The following KIDINS220 variants were observed in gnomAD, a reference collection of about 807,000 sequenced individuals.
KIDINS220 encodes the protein kinase D interacting substrate 220.
In KIDINS220, 63 loss-of-function variants were observed where a neutral mutation model predicts 157.6. That is an observed-to-expected ratio of 0.40 (90% CI 0.33 to 0.49). The LOEUF is 0.49. Among genes scored for constraint, KIDINS220 ranks in the 20% least tolerant of loss-of-function variants. The pLI is 0.66. For synonymous variants in KIDINS220, 732 were observed against 783.6 expected (o/e 0.93, Z 1.10); for missense variants, 1,772 against 2,171.2 (o/e 0.82, Z 3.65).
intron 26 of KIDINS220, among the ~76,000 whole-genome samples, chr2:8,739,595 T>C (rs966194288): frequency 1.3e-5 from 2 of 152,088 alleles, no homozygotes; most frequent in African/African-American, 4.8e-5. Context: ...GCAAAAAGCA[T>C]ATTCAATAAT....
intron 21 of KIDINS220, among the ~76,000 whole-genome samples, chr2:8,771,108 C>T (rs1368688760): frequency 6.6e-6 from 1 of 152,136 alleles, no homozygotes; most frequent in African/African-American, 2.4e-5. Flanking sequence ...TATATGCAGG[C>T]AAACATCTTT....
In KIDINS220 at chr2:8,817,809, C is replaced by A; in HGVS notation, c.208-93G>T. On this transcript the variant is annotated intron_variant, in intron 3 of 29. Coordinates refer to ENST00000256707, the MANE Select transcript of KIDINS220 (RefSeq NM_020738.4). Reference sequence around the variant, plus strand: ...CATTTGAACTTACATACCAAATGATCATACCAAGTTGACATGGTGTGACCC... The same window carrying A: ...CATTTGAACTTACATACCAAATGATAATACCAAGTTGACATGGTGTGACCC... 3.7e-6 allele frequency: 3 copies of A among 805,322 alleles called. No individual in the cohort carries two copies. The South Asian group carries it at 5.7e-5, about 15-fold the overall frequency. The allele number at this position is 805,322 out of a possible 1,614,324, so 49.9% of individuals were successfully genotyped here.
chr2:8,834,197 T>A (rs949486383), intron 1 of KIDINS220, among the ~76,000 whole-genome samples: 3 of 152,010 alleles, frequency 2.0e-5, no homozygotes, highest in Non-Finnish European at 4.4e-5. Context: ...GCCTAAGTGG[T>A]CCTCCTGAAT....
At chr2:8,737,205 C>G (rs969282398) in intron 26 of KIDINS220, 12 of 450,600 alleles carry the variant, frequency 2.7e-5, no homozygotes, top group African/African-American at 2.0e-4. Context: ...ACAGCTGATA[C>G]AGCCTGGTCA....
intron 7 of KIDINS220, among the ~76,000 whole-genome samples, chr2:8,805,263 G>A (rs1675280120): frequency 6.6e-6 from 1 of 151,922 alleles, no homozygotes; most frequent in African/African-American, 2.4e-5. Context: ...TTTTTATGTG[G>A]GCTTCATTAT....
In KIDINS220 at chr2:8,818,355, C is replaced by T. The variant is rs183249007; in HGVS notation, c.207+340G>A. On this transcript the variant is annotated intron_variant, in intron 3 of 29. Transcript: ENST00000256707. The stretch of plus-strand genomic sequence containing the variant: ...GGGACCATATATTCCTGGCCATTAT[C>T]GCATGTAATGATATTATTTATAATA... Among the ~76,000 whole-genome samples, 247 of 152,140 alleles carry T rather than the reference C, an allele frequency of 1.6e-3. 1 individual carries two copies. Among genetic ancestry groups the T allele is most frequent in the Admixed American group, 3.4e-3 (52 of 15,262 alleles).
chr2:8,752,267 C>T (rs1310700200), intron 22 of KIDINS220, among the ~76,000 whole-genome samples: 1 of 152,158 alleles, frequency 6.6e-6, no homozygotes, highest in African/African-American at 2.4e-5. Flanking sequence ...GCATTCCATT[C>T]ACCTTGGCCT....
chr2:8,829,428 T>C (rs1393760548), intron 1 of KIDINS220, among the ~76,000 whole-genome samples: 1 of 152,222 alleles, frequency 6.6e-6, no homozygotes, highest in African/African-American at 2.4e-5. Flanking sequence ...ATCCCATAGT[T>C]GCACTTCTAG....
intron 2 of KIDINS220, among the ~76,000 whole-genome samples, chr2:8,820,890 T>C (rs1677858055): frequency 6.6e-6 from 1 of 152,204 alleles, no homozygotes; most frequent in African/African-American, 2.4e-5. Flanking sequence ...TATAGAACTG[T>C]TCTCCCTTCT....
chr2:8,772,133 G>C (rs1670319140), intron 21 of KIDINS220, among the ~76,000 whole-genome samples: 1 of 152,142 alleles, frequency 6.6e-6, no homozygotes, highest in Non-Finnish European at 1.5e-5. Flanking sequence ...TGCATGCAAA[G>C]TCATGAAGGA....
intron 25 of KIDINS220, 179 bp from the exon 26 acceptor site, chr2:8,747,380 T>C (rs1666734789): frequency 5.1e-6 from 3 of 584,500 alleles, no homozygotes; most frequent in South Asian, 4.6e-5. Context: ...CTATTACTTT[T>C]ATCATCAGGA....
chr2:8,829,199 G>C (rs537291824), intron 1 of KIDINS220, among the ~76,000 whole-genome samples: 64 of 152,296 alleles, frequency 4.2e-4, no homozygotes, highest in African/African-American at 1.5e-3. Context: ...GAGTACAAGA[G>C]AATTTGGCGA....
At position 8,737,011 on chromosome 2, in the gene KIDINS220, A is replaced by C; in HGVS notation, c.3586-12T>G. On this transcript the variant is annotated splice_polypyrimidine_tract_variant and intron_variant, in intron 26 of 29. Transcript: ENST00000256707. ...GCTGGGCCTGACCCCTAGAGAAGTCAAGGAAAAATACAGGTATGAATAAGC... is the reference window on the plus strand; with the variant it reads ...GCTGGGCCTGACCCCTAGAGAAGTCCAGGAAAAATACAGGTATGAATAAGC... 6.2e-7 allele frequency: 1 copy of C among 1,613,718 alleles called. No individual in the cohort carries two copies. The highest frequency in any genetic ancestry group is 8.5e-7 in the Non-Finnish European group (1 of 1,179,728).
At chr2:8,734,600 T>C (rs1318198566) in intron 28 of KIDINS220, 55 bp downstream of exon 28, 79 of 1,216,824 alleles carry the variant, frequency 6.5e-5, no homozygotes, top group Non-Finnish European at 9.6e-6. Flanking sequence ...ATAAATAATT[T>C]TGAATGTTAT....
chr2:8,757,235 T>G, intron 22 of KIDINS220: 1 of 985,552 alleles, frequency 1.0e-6, no homozygotes, highest in South Asian at 4.7e-5. Flanking sequence ...AATAGGACTA[T>G]TTGAATAAAA....
chr2:8,739,455 AC>A (rs1200694385), intron 26 of KIDINS220, among the ~76,000 whole-genome samples: 1 of 152,156 alleles, frequency 6.6e-6, no homozygotes, highest in Non-Finnish European at 1.5e-5. Context: ...TACCTGCTAG[AC>A]CTTTTCTAAA....
chr2:8,794,427 C>A (rs1044818470), intron 11 of KIDINS220: 3 of 154,696 alleles, frequency 1.9e-5, no homozygotes, highest in Admixed American at 1.3e-4. Flanking sequence ...ACAATCCATG[C>A]GGACAGCCAT....
chr2:8,768,075 T>C (rs560459764), intron 22 of KIDINS220, among the ~76,000 whole-genome samples: 41 of 152,314 alleles, frequency 2.7e-4, no homozygotes, highest in Non-Finnish European at 5.1e-4. Flanking sequence ...AGCACTATCT[T>C]CATGAAAACT....
intron 27 of KIDINS220, among the ~76,000 whole-genome samples, chr2:8,736,002 G>T (rs1051660142): frequency 1.3e-5 from 2 of 152,220 alleles, no homozygotes; most frequent in African/African-American, 4.8e-5. Flanking sequence ...GGAAAAGCCG[G>T]TGTTTGACTC....
Sources: allele counts gnomAD v4.1 joint callset (sites outside exome capture counted in the v4.1 genomes callset), GRCh38; gene constraint gnomAD v4.1.1; transcripts MANE v1.5; gene names NCBI Gene and HGNC (gene_info 2026-07-23, HGNC 2026-07-21).